SRSF2: variants seen among roughly 807,000 people sequenced by gnomAD.
SRSF2 encodes serine/arginine-rich splicing factor 2.
A neutral mutation model predicts 15.7 loss-of-function variants in SRSF2; 4 were observed. That is an observed-to-expected ratio of 0.26 (90% confidence interval 0.13 to 0.58). The LOEUF (loss-of-function observed/expected upper bound fraction) is 0.58. SRSF2 is among the 20% of genes least tolerant of loss of function. The probability of loss-of-function intolerance (pLI) is 0.90; values close to 1 mark genes in which losing one functional copy is unlikely to be tolerated. For synonymous variants in SRSF2, 192 were observed against 138.9 expected (o/e 1.38, Z -2.69); for missense variants, 147 against 332.4 (o/e 0.44, Z 4.34).
At chr17:76,736,592 T>A in intron 1 of SRSF2, 128 bp from the exon 2 acceptor site, 2 of 1,212,774 alleles carry the variant, frequency 1.6e-6, no homozygotes, top group Non-Finnish European at 2.2e-6. Flanking sequence ...CGAGGCGGGG[T>A]CCTCCGCCCC....
At chr17:76,736,504 G>C in intron 1 of SRSF2, 40 bp from the exon 2 acceptor site, 6 of 1,591,342 alleles carry the variant, frequency 3.8e-6, no homozygotes, top group Non-Finnish European at 5.1e-6. Flanking sequence ...GTTAATTCCA[G>C]GCAGCGGGGC....
intron 2 of SRSF2, chr17:76,735,718 T>TG: frequency 6.2e-6 from 2 of 322,936 alleles, no homozygotes; most frequent in Non-Finnish European, 1.2e-5. Flanking sequence ...CAACAATAGT[T>TG]GAACTGATTG....
chr17:76,735,931 C>T, intron 2 of SRSF2: 1 of 621,408 alleles, frequency 1.6e-6, no homozygotes, highest in Non-Finnish European at 2.9e-6. Flanking sequence ...TAGTCATTTT[C>T]ATTAATAGGT....
Position 76,737,306 on chromosome 17 carries a change from C to G in SRSF2, c.-146G>C. On this transcript the variant is annotated 5_prime_UTR_variant, in exon 1 of 3. Transcript: ENST00000359995. ...CGCAGAACAGCACGGACGGGCTCCG[C>G]AGGCTAGCGCACCTGAGTAACAACT... is the stretch of plus-strand genomic sequence containing the variant. 1 of 1,154,440 alleles carries G rather than the reference C, an allele frequency of 8.7e-7. No individual in the cohort carries two copies. The highest frequency in any genetic ancestry group is 2.6e-5 in the East Asian group (1 of 37,954). 71.5% of individuals were successfully genotyped at this position (1,154,440 alleles called of 1,614,324 possible).
Position 76,735,012 on chromosome 17 carries a change from G to A in SRSF2, c.*154C>T, listed in dbSNP as rs1043137131. 1.8e-5 allele frequency: 4 copies of A among 222,512 alleles called. No individual in the cohort carries two copies. Among genetic ancestry groups the A allele is most frequent in the Non-Finnish European group, 3.6e-5 (4 of 110,902 alleles). 13.8% of individuals were successfully genotyped at this position (222,512 alleles called of 1,614,324 possible). A position where few individuals can be genotyped will look rare whatever the true frequency, so the allele number is the denominator to read the frequency against. On this transcript the variant is annotated 3_prime_UTR_variant, in exon 3 of 3. Transcript: ENST00000359995. ...GCACATAAAATGAAGTTTGCCAACT[G>A]AGGCAAAGCTTAAACAAGTAAAAAG...
rs2077378701 is a variant in SRSF2, at chr17:76,734,598, A to G, written c.*568T>C. On this transcript the variant is annotated 3_prime_UTR_variant, in exon 3 of 3. Transcript: ENST00000359995. ...AAAATACATAAGAGAAGAGATTAGA[A>G]TTGTGTTTGATAAACAATCCTTTCA... 8.7e-6 allele frequency: 2 copies of G among 229,634 alleles called. No homozygotes were observed. The highest frequency in any genetic ancestry group is 1.7e-5 in the Non-Finnish European group (2 of 114,842). 14.2% of individuals were successfully genotyped at this position (229,634 alleles called of 1,614,324 possible).
chr17:76,735,769 AACCTGCTCC>A, intron 2 of SRSF2: 4 of 369,260 alleles, frequency 1.1e-5, no homozygotes, highest in South Asian at 2.9e-5. Context: ...TTTAAAGACA[AACCTGCTCC>A]AATACACGCC....
chr17:76,736,707 G>C, intron 1 of SRSF2, 92 bp downstream of exon 1: 2 of 1,330,690 alleles, frequency 1.5e-6, no homozygotes, highest in East Asian at 3.0e-5. Flanking sequence ...GTCCGGGCCC[G>C]CACCACGTGC....
rs1040970020 is a variant in SRSF2 at position 76,735,080 on chromosome 17, T to C, written c.*86A>G. ...AATAACCTTTTCAATAGCCAGTTGC[T>C]TGTTCCAAGGACTCTTCTTCGATGG... is the stretch of plus-strand genomic sequence containing the variant. On this transcript the variant is annotated 3_prime_UTR_variant, in exon 3 of 3. Coordinates refer to ENST00000359995, the MANE Select transcript of SRSF2 (RefSeq NM_001195427.2). 1.8e-5 allele frequency: 4 copies of C among 220,166 alleles called. 1 individual carries two copies. The Middle Eastern group carries it at 5.6e-3, about 311-fold the overall frequency. 13.6% of individuals were successfully genotyped at this position (220,166 alleles called of 1,614,324 possible). A position where few individuals can be genotyped will look rare whatever the true frequency, so the allele number is the denominator to read the frequency against.
intron 2 of SRSF2, chr17:76,735,537 G>A (rs2077421143): frequency 4.3e-6 from 1 of 230,832 alleles, no homozygotes; most frequent in Non-Finnish European, 8.6e-6. Flanking sequence ...GAGCTACTTA[G>A]GGCCCTTTCC....
rs772206470 is a variant in SRSF2, at chr17:76,737,143, G to A, written c.18C>T (p.Pro6=). The change falls in exon 1 of 3, where the codon CCC becomes CCT. Residue 6 remains proline (P), a synonymous_variant. Coordinates refer to ENST00000359995, the MANE Select transcript of SRSF2 (RefSeq NM_001195427.2). ...AGGTCATACCCTCCACATCGGGAGG[G>A]GGGCGGCCGTAGCTCATAGCTCTGA... MSYGR[P]PPDVEGMTSL... is the part of the protein sequence containing the mutation. 1.2e-5 allele frequency: 19 copies of A among 1,590,022 alleles called. 1 individual carries two copies. The highest frequency in any genetic ancestry group is 7.9e-5 in the South Asian group (7 of 89,040).
In SRSF2 at chr17:76,735,119, T is replaced by G. The variant is rs1210150141; in HGVS notation, c.*47A>C. The G allele has an allele frequency of 4.6e-6, 1 of 219,328 alleles. No homozygotes were observed. The highest frequency in any genetic ancestry group is 2.2e-5 in the African/African-American group (1 of 44,514). The allele number at this position is 219,328 out of a possible 1,614,324, so 13.6% of individuals were successfully genotyped here. A position where few individuals can be genotyped will look rare whatever the true frequency, so the allele number is the denominator to read the frequency against. ...CTTCTTCGATGGACTATGTGGTCCTTTTTCCCCAAGTCCTCCGTTTACACT... is the reference window on the plus strand; with the variant it reads ...CTTCTTCGATGGACTATGTGGTCCTGTTTCCCCAAGTCCTCCGTTTACACT... On this transcript the variant is annotated 3_prime_UTR_variant, in exon 3 of 3. Transcript: ENST00000359995.
Position 76,737,282 on chromosome 17 carries a change from G to A in SRSF2, c.-122C>T, listed in dbSNP as rs758989770. ...TGGGGACACTGGGAAAGGCCTTGCC[G>A]CAGAACAGCACGGACGGGCTCCGCA... On this transcript the variant is annotated 5_prime_UTR_variant, in exon 1 of 3. Coordinates refer to ENST00000359995, the MANE Select transcript of SRSF2 (RefSeq NM_001195427.2). The A allele has an allele frequency of 1.9e-5, 25 of 1,341,580 alleles. No individual in the cohort carries two copies. In the African/African-American group the frequency reaches 2.1e-4, roughly 11 times the overall value. The allele number at this position is 1,341,580 out of a possible 1,614,324, so 83.1% of individuals were successfully genotyped here.
Position 76,736,542 on chromosome 17 carries a change from G to A in SRSF2, c.363-78C>T, listed in dbSNP as rs377064670. The A allele has an allele frequency of 1.0e-4, 154 of 1,475,438 alleles. 1 individual carries two copies. Among genetic ancestry groups the A allele is most frequent in the South Asian group, 4.7e-4 (38 of 80,398 alleles). The allele number at this position is 1,475,438 out of a possible 1,614,324, so 91.4% of individuals were successfully genotyped here. A position where few individuals can be genotyped will look rare whatever the true frequency, so the allele number is the denominator to read the frequency against. ...GCCCCGCCCGCGCGCTCCCGCCCAG[G>A]CCGCCATTATCTCGCCGCCAGACGC... On this transcript the variant is annotated intron_variant, in intron 1 of 2. Coordinates refer to ENST00000359995, the MANE Select transcript of SRSF2 (RefSeq NM_001195427.2).
chr17:76,736,547 C>T (rs758640296), intron 1 of SRSF2, 83 bp from the exon 2 acceptor site: 2 of 1,446,912 alleles, frequency 1.4e-6, no homozygotes, highest in African/African-American at 2.9e-5. Flanking sequence ...CCCAGGCCGC[C>T]ATTATCTCGC....
Position 76,737,202 on chromosome 17 carries a change from C to G in SRSF2, c.-42G>C. Reference sequence around the variant, plus strand: ...CCGGAGCCCCGCGAACTGGCGCCGGCTTCCTCAGCTCTGGGCGGTGCGACG... The same window carrying G: ...CCGGAGCCCCGCGAACTGGCGCCGGGTTCCTCAGCTCTGGGCGGTGCGACG... On this transcript the variant is annotated 5_prime_UTR_variant, in exon 1 of 3. Coordinates refer to ENST00000359995, the MANE Select transcript of SRSF2 (RefSeq NM_001195427.2). 6.6e-7 allele frequency: 1 copy of G among 1,505,582 alleles called. No homozygotes were observed. Among genetic ancestry groups the G allele is most frequent in the Non-Finnish European group, 8.9e-7 (1 of 1,120,676 alleles). 93.3% of individuals were successfully genotyped at this position (1,505,582 alleles called of 1,614,324 possible).
At chr17:76,735,307 A>C (rs1274847918) in intron 2 of SRSF2, 149 bp from the exon 3 acceptor site, 1 of 218,330 alleles carries the variant, frequency 4.6e-6, no homozygotes. Context: ...CCAATTAGGA[A>C]AATTTCACAA....
Position 76,736,327 on chromosome 17 carries a change from C to T in SRSF2, c.500G>A (p.Arg167Gln), listed in dbSNP as rs1326283685. Reference protein sequence around the residue: ...SRSTSKSRSARRSKSKSSSVS... With the variant: ...SRSTSKSRSAQRSKSKSSSVS... Reference sequence around the variant, plus strand: ...CGACGAGGACTTGGACTTGGACCTTCGTGCGGATCTGGACTTGGAGGTCGA... The same window carrying T: ...CGACGAGGACTTGGACTTGGACCTTTGTGCGGATCTGGACTTGGAGGTCGA... Residue 167 changes from arginine to glutamine, a missense_variant, in exon 2 of 3, where the codon CGA becomes CAA. Physicochemically the swap from Arg to Gln is conservative, Grantham distance 43 (BLOSUM62 1). Transcript: ENST00000359995. The T allele has an allele frequency of 2.5e-6, 4 of 1,613,990 alleles. No individual in the cohort carries two copies. Among genetic ancestry groups the T allele is most frequent in the Non-Finnish European group, 3.4e-6 (4 of 1,179,998 alleles).
rs374580410 is a variant in SRSF2, at chr17:76,736,428, C to A, written c.399G>T (p.Arg133=). ...RRRRRSRSRS[R]SRSRSRSRSR... is the part of the protein sequence containing the mutation. ...ATCGGCTGCGAGACCTGGAACGACT[C>A]CGACTCCGGGATCGGCTGCGGCGAC... Residue 133 remains arginine (R), a synonymous_variant, in exon 2 of 3, where the codon CGG becomes CGT. Coordinates refer to ENST00000359995, the MANE Select transcript of SRSF2 (RefSeq NM_001195427.2). 5 of 1,613,360 alleles carry A rather than the reference C, an allele frequency of 3.1e-6. No homozygotes were observed. The African/African-American group carries it at 4.0e-5, about 13-fold the overall frequency.
Sources: allele counts gnomAD v4.1 joint callset, GRCh38; gene constraint gnomAD v4.1.1; transcripts MANE v1.5; gene names NCBI Gene and HGNC (gene_info 2026-07-23, HGNC 2026-07-21).